The following KIAA0586 variants were observed in gnomAD, a reference collection of about 807,000 sequenced individuals.
The protein encoded by KIAA0586 is protein TALPID3.
KIAA0586 carries 144 observed loss-of-function variants against 169.8 expected under a neutral mutation model. The observed-to-expected ratio is 0.85, with a 90% CI of 0.74 to 0.97. The LOEUF is 0.97. Among genes scored for constraint, KIAA0586 ranks in the 50% least tolerant of loss-of-function variants. The pLI, the probability that KIAA0586 is intolerant of heterozygous loss-of-function variation, is 0.00. For missense variants in KIAA0586, 1,854 were observed against 1,823.0 expected, an observed-to-expected ratio of 1.02 and a Z score of -0.31; for synonymous variants, 625 against 612.4, an observed-to-expected ratio of 1.02 and a Z score of -0.30.
intron 30 of KIAA0586, among the ~76,000 whole-genome samples, chr14:58,542,698 A>G (rs991864184): frequency 6.6e-6 from 1 of 152,092 alleles, no homozygotes; most frequent in African/African-American, 2.4e-5. Flanking sequence ...AAAGCAGAGT[A>G]CCTTTTGCAG....
chr14:58,462,789 G>A (rs1441227655), intron 14 of KIAA0586, among the ~76,000 whole-genome samples: 1 of 152,086 alleles, frequency 6.6e-6, no homozygotes, highest in African/African-American at 2.4e-5. Flanking sequence ...CACATCTCTG[G>A]GGAGGCCTCA....
At chr14:58,466,892 G>A (rs2040815569) in intron 15 of KIAA0586, among the ~76,000 whole-genome samples, 1 of 151,986 alleles carries the variant, frequency 6.6e-6, no homozygotes, top group South Asian at 2.1e-4. Context: ...TGTAATCTAA[G>A]CCAATAGTTG....
chr14:58,435,853 A>G (rs1208775329), intron 4 of KIAA0586, among the ~76,000 whole-genome samples: 1 of 152,078 alleles, frequency 6.6e-6, no homozygotes, highest in Non-Finnish European at 1.5e-5. Context: ...GATTACAGGC[A>G]TGTGCCACCA....
intron 15 of KIAA0586, 82 bp downstream of exon 15, chr14:58,466,111 T>G: frequency 9.2e-7 from 1 of 1,085,228 alleles, no homozygotes; most frequent in Middle Eastern, 2.5e-4. Flanking sequence ...AGACGGGGTT[T>G]CACTGTGTGG....
At chr14:58,477,889 A>G (rs2041768021) in intron 20 of KIAA0586, among the ~76,000 whole-genome samples, 1 of 135,258 alleles carries the variant, frequency 7.4e-6, no homozygotes, top group Admixed American at 7.8e-5. Context: ...TCTCTTCCCC[A>G]TTTTTTCCTT....
At chr14:58,435,193 A>G (rs764136883) in intron 4 of KIAA0586, among the ~76,000 whole-genome samples, 7 of 152,232 alleles carry the variant, frequency 4.6e-5, no homozygotes, top group Admixed American at 6.5e-5. Context: ...GTCTCTCTCC[A>G]GAGACAGTGC....
chr14:58,549,267 A>G lies in KIAA0586; in HGVS notation c.*1335A>G, dbSNP rs919412021. On this transcript the variant is annotated 3_prime_UTR_variant, in exon 31 of 31. Coordinates refer to ENST00000652326, the MANE Select transcript of KIAA0586 (RefSeq NM_001329943.3). ...ACATTAGAACCTCTGGGAGCTTTAAAAAATACTAATGCCTGGGCCTTGTAC... is the reference window on the plus strand; with the variant it reads ...ACATTAGAACCTCTGGGAGCTTTAAGAAATACTAATGCCTGGGCCTTGTAC... 6.6e-6 allele frequency: 1 copy of G among 152,190 alleles called. No homozygotes were observed. The allele number at this position is 152,190 out of a possible 1,614,324, so 9.4% of individuals were successfully genotyped here. A position where few individuals can be genotyped will look rare whatever the true frequency, so the allele number is the denominator to read the frequency against.
intron 5 of KIAA0586, 123 bp downstream of exon 5, chr14:58,443,003 T>G: frequency 5.7e-6 from 4 of 703,174 alleles, no homozygotes; most frequent in Non-Finnish European, 9.2e-6. Context: ...GCTCTCAATT[T>G]GAAAGAATTT....
In KIAA0586 at chr14:58,430,720, A is replaced by T. The variant is rs544403567; in HGVS notation, c.340+3A>T. 1 of 1,548,980 alleles carries T rather than the reference A, an allele frequency of 6.5e-7. No individual in the cohort carries two copies. The highest frequency in any genetic ancestry group is 1.4e-5 in the African/African-American group (1 of 73,462). On this transcript the variant is annotated splice_donor_region_variant and intron_variant, in intron 3 of 30. Transcript: ENST00000652326. ...AGAAGAGAACAACAAGCAAAAAGGTAAAAGAATAATATTGATTTTTTTAAA... is the reference window on the plus strand; with the variant it reads ...AGAAGAGAACAACAAGCAAAAAGGTTAAAGAATAATATTGATTTTTTTAAA...
intron 28 of KIAA0586, among the ~76,000 whole-genome samples, chr14:58,509,601 T>C (rs1326031939): frequency 1.3e-5 from 2 of 152,180 alleles, no homozygotes; most frequent in Non-Finnish European, 2.9e-5. Flanking sequence ...GCAGGACATG[T>C]TACGGATGAA....
intron 27 of KIAA0586, among the ~76,000 whole-genome samples, chr14:58,507,356 AAT>A (rs1440403276): frequency 7.1e-6 from 1 of 140,906 alleles, no homozygotes; most frequent in Non-Finnish European, 1.5e-5. Flanking sequence ...TATCATATAT[AAT>A]ATATCATATA....
At chr14:58,465,761 T>C (rs1349887218) in intron 14 of KIAA0586, 74 bp from the exon 15 acceptor site, 6 of 911,366 alleles carry the variant, frequency 6.6e-6, no homozygotes, top group Non-Finnish European at 9.8e-6. Flanking sequence ...TGAAGAGCTG[T>C]TGTATTTCTA....
At chr14:58,469,734 G>A (rs1260740053) in intron 16 of KIAA0586, among the ~76,000 whole-genome samples, 2 of 152,170 alleles carry the variant, frequency 1.3e-5, no homozygotes, top group Non-Finnish European at 2.9e-5. Flanking sequence ...GTCTAGAAAT[G>A]TTCAAAGGAC....
At chr14:58,504,449 A>G (rs558085643) in intron 27 of KIAA0586, among the ~76,000 whole-genome samples, 4 of 152,278 alleles carry the variant, frequency 2.6e-5, no homozygotes, top group Admixed American at 6.5e-5. Flanking sequence ...AATGGGGTTT[A>G]TACATACTGA....
intron 26 of KIAA0586, among the ~76,000 whole-genome samples, chr14:58,495,461 G>A (rs571973649): frequency 1.7e-4 from 26 of 151,866 alleles, no homozygotes; most frequent in Non-Finnish European, 3.5e-4. Flanking sequence ...ACCATACCTA[G>A]CTAATTTTTT....
intron 28 of KIAA0586, among the ~76,000 whole-genome samples, chr14:58,509,300 G>T (rs77238450): frequency 2.0e-5 from 3 of 152,240 alleles, no homozygotes; most frequent in South Asian, 4.1e-4. Flanking sequence ...CTCTGTATCT[G>T]CATGCAATAC....
intron 4 of KIAA0586, among the ~76,000 whole-genome samples, chr14:58,441,688 C>G (rs1033733375): frequency 1.3e-4 from 20 of 152,214 alleles, no homozygotes; most frequent in Admixed American, 1.2e-3. Flanking sequence ...GGCTAGAGTG[C>G]AGTGGTGCCA....
At chr14:58,508,833 T>C (rs576959222) in intron 28 of KIAA0586, 124 bp downstream of exon 28, 2 of 690,358 alleles carry the variant, frequency 2.9e-6, no homozygotes, top group South Asian at 3.8e-5. Flanking sequence ...GCCTCCTTTA[T>C]TTCCTAACTC....
At chr14:58,460,295 T>C (rs965447430) in intron 13 of KIAA0586, among the ~76,000 whole-genome samples, 3 of 152,144 alleles carry the variant, frequency 2.0e-5, no homozygotes, top group Non-Finnish European at 2.9e-5. Flanking sequence ...CACCCTGGCA[T>C]CATGATTTTG....
Sources: gnomAD v4.1 joint callset for allele counts (sites outside exome capture counted in the v4.1 genomes callset) on GRCh38, gnomAD v4.1.1 for gene constraint, MANE v1.5 for transcripts, NCBI Gene and HGNC (gene_info 2026-07-23, HGNC 2026-07-21) for gene names.